CR2: variants seen among roughly 807,000 people sequenced by gnomAD.
CR2 encodes complement receptor type 2.
CR2 carries 96 observed loss-of-function variants against 123.0 expected under a neutral mutation model. The observed-to-expected ratio is 0.78, with a 90% CI of 0.66 to 0.93. The LOEUF (loss-of-function observed/expected upper bound fraction) is 0.93, where lower values mean the gene tolerates loss of function less well. Ranked by LOEUF, CR2 falls within the 40% of genes least tolerant of loss-of-function variation. CR2 has a pLI of 0.00. For missense variants in CR2, 1,258 were observed against 1,361.0 expected (o/e 0.92, Z 1.19); for synonymous variants, 484 against 469.5 (o/e 1.03, Z -0.40).
In CR2 at chr1:207,478,065, G is replaced by A; in HGVS notation, c.3083G>A (p.Arg1028Lys). The A allele has an allele frequency of 6.2e-7, 1 of 1,613,498 alleles. No individual in the cohort carries two copies. Among genetic ancestry groups the A allele is most frequent in the Non-Finnish European group, 8.5e-7 (1 of 1,179,698 alleles). ...TGGAACCCTCCCCTGGCGGTTTGCA[G>A]ATCCCGTAAGTACCAAGGGCTTCAC... ...HQWNPPLAVC[R>K]SRSLAPVLCG... The change falls in exon 16 of 20, where the codon AGA becomes AAA. Residue 1028 changes from arginine (R) to lysine (K), a missense_variant. Transcript: ENST00000367057.
intron 19 of CR2, among the ~76,000 whole-genome samples, chr1:207,488,006 C>T (rs1173091913): frequency 6.6e-6 from 1 of 152,250 alleles, no homozygotes; most frequent in Non-Finnish European, 1.5e-5. Flanking sequence ...GGCATTAAAT[C>T]ATCAACTAAG....
In CR2 at chr1:207,473,163, A is replaced by C; in HGVS notation, c.1962A>C (p.Ile654=). Residue 654 remains isoleucine, a synonymous_variant, in exon 10 of 20, where the codon ATA becomes ATC. Transcript: ENST00000367057. The stretch of plus-strand genomic sequence containing the variant: ...CTGATAACACCTGGGATCCTGAAAT[A>C]CCAGTTTGTGAAAAAGGTAAAAACC... ...CKADNTWDPE[I]PVCEKGCQSP... is the part of the protein sequence containing the mutation. 6.2e-7 allele frequency: 1 copy of C among 1,613,868 alleles called. No individual in the cohort carries two copies.
In CR2 at chr1:207,466,564, C is replaced by T. The variant is rs201201097; in HGVS notation, c.97C>T (p.Arg33Trp). The T allele has an allele frequency of 8.7e-6, 14 of 1,613,898 alleles. No individual in the cohort carries two copies. The highest frequency in any genetic ancestry group is 1.7e-5 in the Admixed American group (1 of 59,998). The change falls in exon 2 of 20, where the codon CGG becomes TGG. Residue 33 changes from arginine (R) to tryptophan (W), a missense_variant. Transcript: ENST00000367057. ...CTCTCCTCCGCCTATCCTAAATGGC[C>T]GGATTAGTTATTATTCTACCCCCAT... ...CGSPPPILNG[R>W]ISYYSTPIAV...
intron 8 of CR2, 139 bp downstream of exon 8, chr1:207,471,226 C>G: frequency 1.1e-6 from 1 of 949,688 alleles, no homozygotes; most frequent in Non-Finnish European, 1.7e-6. Flanking sequence ...GTCACATGGT[C>G]ATGGAAGTGT....
chr1:207,460,381 G>A (rs932231260), intron 1 of CR2, among the ~76,000 whole-genome samples: 18 of 152,186 alleles, frequency 1.2e-4, no homozygotes, highest in African/African-American at 3.1e-4. Context: ...TTCTCCAGTA[G>A]TAGTTTGGGG....
chr1:207,460,766 T>A (rs547111267), intron 1 of CR2, among the ~76,000 whole-genome samples: 30 of 152,258 alleles, frequency 2.0e-4, no homozygotes, highest in African/African-American at 6.7e-4. Context: ...TTAATAATAA[T>A]ATTGTTACTT....
At chr1:207,467,807 C>T (rs1238071107) in intron 2 of CR2, among the ~76,000 whole-genome samples, 4 of 152,014 alleles carry the variant, frequency 2.6e-5, no homozygotes, top group Non-Finnish European at 5.9e-5. Flanking sequence ...GGAAGGATAT[C>T]GTATACATGT....
intron 1 of CR2, among the ~76,000 whole-genome samples, chr1:207,457,759 A>G (rs947082224): frequency 2.0e-5 from 3 of 151,944 alleles, no homozygotes; most frequent in South Asian, 2.1e-4. Flanking sequence ...TGTTTTTTCC[A>G]TACTTCCCTG....
intron 1 of CR2, among the ~76,000 whole-genome samples, chr1:207,462,593 G>A (rs1057362300): frequency 2.6e-5 from 4 of 152,182 alleles, no homozygotes; most frequent in African/African-American, 9.7e-5. Flanking sequence ...CAGTAGTATA[G>A]AAGGTGTACC....
At chr1:207,479,397 T>C in intron 17 of CR2, 117 bp downstream of exon 17, 1 of 754,370 alleles carries the variant, frequency 1.3e-6, no homozygotes. Context: ...ATGTTCTCTT[T>C]TTGGTGTTTT....
Position 207,469,159 on chromosome 1 carries a change from G to C in CR2, c.744G>C (p.Leu248=). Reference sequence around the variant, plus strand: ...AACCTTCTGTCTCCAGGTATCGACTGCAAGGCCCACCTTCTAGTCGGTGTG... The same window carrying C: ...AACCTTCTGTCTCCAGGTATCGACTCCAAGGCCCACCTTCTAGTCGGTGTG... ...ANFFCDEGYR[L]QGPPSSRCVI... is the part of the protein sequence containing the mutation. The change falls in exon 5 of 20, where the codon CTG becomes CTC. Residue 248 remains leucine, a synonymous_variant. Coordinates refer to ENST00000367057, the MANE Select transcript of CR2 (RefSeq NM_001006658.3). The C allele has an allele frequency of 6.2e-7, 1 of 1,613,858 alleles. No individual in the cohort carries two copies. The highest frequency in any genetic ancestry group is 8.5e-7 in the Non-Finnish European group (1 of 1,179,740).
At position 207,471,228 on chromosome 1, in the gene CR2, T is replaced by A. The variant is rs1658270823; in HGVS notation, c.1493+141T>A. On this transcript the variant is annotated intron_variant, in intron 8 of 19. Transcript: ENST00000367057. Reference sequence around the variant, plus strand: ...TAGGTGCTTGCCTGTCACATGGTCATGGAAGTGTCTATCATACTATTTTTC... The same window carrying A: ...TAGGTGCTTGCCTGTCACATGGTCAAGGAAGTGTCTATCATACTATTTTTC... 7 of 947,220 alleles carry A rather than the reference T, an allele frequency of 7.4e-6. No homozygotes were observed. The East Asian group carries it at 1.7e-4, about 23-fold the overall frequency. The allele number at this position is 947,220 out of a possible 1,614,324, so 58.7% of individuals were successfully genotyped here. A position where few individuals can be genotyped will look rare whatever the true frequency, so the allele number is the denominator to read the frequency against.
At chr1:207,462,220 T>C (rs1657984171) in intron 1 of CR2, among the ~76,000 whole-genome samples, 1 of 152,188 alleles carries the variant, frequency 6.6e-6, no homozygotes, top group African/African-American at 2.4e-5. Context: ...ACACTAGTTG[T>C]AAAGGCCAAC....
chr1:207,483,348 G>A (rs1047122051), intron 18 of CR2, among the ~76,000 whole-genome samples: 3 of 152,158 alleles, frequency 2.0e-5, no homozygotes, highest in Non-Finnish European at 2.9e-5. Flanking sequence ...ACTATGTACT[G>A]AGGGTATCTA....
At chr1:207,455,561 G>A (rs1338934278) in intron 1 of CR2, among the ~76,000 whole-genome samples, 2 of 152,174 alleles carry the variant, frequency 1.3e-5, no homozygotes, top group African/African-American at 4.8e-5. Flanking sequence ...GAGGTGTCTG[G>A]AATACAGCAC....
chr1:207,461,868 T>C (rs535998219), intron 1 of CR2, among the ~76,000 whole-genome samples: 1 of 152,218 alleles, frequency 6.6e-6, no homozygotes, highest in South Asian at 2.1e-4. Flanking sequence ...ATGTTTAAGA[T>C]AAAAGACCAG....
chr1:207,477,868 G>A lies in CR2; in HGVS notation c.2903-17G>A. The A allele has an allele frequency of 6.2e-7, 1 of 1,612,630 alleles. No individual in the cohort carries two copies. The highest frequency in any genetic ancestry group is 8.5e-7 in the Non-Finnish European group (1 of 1,179,032). On this transcript the variant is annotated splice_polypyrimidine_tract_variant and intron_variant, in intron 15 of 19. Coordinates refer to ENST00000367057, the MANE Select transcript of CR2 (RefSeq NM_001006658.3). The stretch of plus-strand genomic sequence containing the variant: ...CCAAAATATGACTGTGCTTGAATTA[G>A]ATTTCTTTAATTTCAGAGGTAAACT...
At chr1:207,461,072 C>T (rs924804791) in intron 1 of CR2, among the ~76,000 whole-genome samples, 2 of 151,932 alleles carry the variant, frequency 1.3e-5, no homozygotes, top group African/African-American at 2.4e-5. Context: ...AGATTTTTAC[C>T]TTTTTGTCCC....
In CR2 at chr1:207,468,389, G is replaced by A. The variant is rs1020546598; in HGVS notation, c.446-138G>A. 9.8e-5 allele frequency: 75 copies of A among 768,242 alleles called. 1 individual carries two copies. The highest frequency in any genetic ancestry group is 7.7e-4 in the South Asian group (50 of 65,210). The allele number at this position is 768,242 out of a possible 1,614,324, so 47.6% of individuals were successfully genotyped here. ...CTTATCAGCTATCATTAGTGTTAGC[G>A]TATATTATGTGTGGCCCAAGACAAT... On this transcript the variant is annotated intron_variant, in intron 2 of 19. Coordinates refer to ENST00000367057, the MANE Select transcript of CR2 (RefSeq NM_001006658.3).
Sources: gnomAD v4.1 joint callset for allele counts (sites outside exome capture counted in the v4.1 genomes callset) on GRCh38, gnomAD v4.1.1 for gene constraint, MANE v1.5 for transcripts, NCBI Gene and HGNC (gene_info 2026-07-23, HGNC 2026-07-21) for gene names.